The following ARHGEF4 variants were observed in gnomAD, a reference collection of about 807,000 sequenced individuals.
The protein encoded by ARHGEF4 is Rho guanine nucleotide exchange factor 4, also known as APC-stimulated guanine nucleotide exchange factor 1.
Under a neutral mutation model 162.0 loss-of-function variants are expected in ARHGEF4, and 119 were observed. That is an observed-to-expected ratio of 0.73 (90% confidence interval 0.63 to 0.86). The LOEUF (loss-of-function observed/expected upper bound fraction) is 0.86, where lower values mean the gene tolerates loss of function less well. Ranked by LOEUF, ARHGEF4 falls within the 40% of genes least tolerant of loss-of-function variation. The pLI is 0.00. For missense variants in ARHGEF4, 2,488 were observed against 2,456.0 expected (o/e 1.01, Z -0.28); for synonymous variants, 1,014 against 979.9 (o/e 1.03, Z -0.65).
chr2:130,915,395 T>C lies in ARHGEF4; in HGVS notation c.1449T>C (p.Ala483=). The C allele has an allele frequency of 1.3e-6, 2 of 1,550,472 alleles. No individual in the cohort carries two copies. Among genetic ancestry groups the C allele is most frequent in the African/African-American group, 1.4e-5 (1 of 73,106 alleles). The change falls in exon 2 of 14, where the codon GCT becomes GCC. Residue 483 remains alanine (A), a synonymous_variant. Transcript: ENST00000409359. ...GCACCCAACTCGCACCAAGAGCTGC[T>C]GATGAGAGAGAGACACAGAAGCACC... ...PQGTQLAPRA[A]DERETQKHLW... is the part of the protein sequence containing the mutation.
intron 4 of ARHGEF4, among the ~76,000 whole-genome samples, chr2:130,998,208 G>A (rs969638385): frequency 1.1e-4 from 16 of 152,056 alleles, no homozygotes; most frequent in African/African-American, 3.9e-4. Flanking sequence ...GTAAAATTGT[G>A]CTATCATTGT....
intron 4 of ARHGEF4, among the ~76,000 whole-genome samples, chr2:130,995,063 G>A (rs747385381): frequency 1.3e-5 from 2 of 152,172 alleles, no homozygotes; most frequent in Non-Finnish European, 2.9e-5. Flanking sequence ...TGGATTCATG[G>A]CTTGATGTCT....
intron 3 of ARHGEF4, among the ~76,000 whole-genome samples, chr2:130,945,449 A>G (rs894122618): frequency 6.6e-6 from 1 of 152,112 alleles, no homozygotes; most frequent in African/African-American, 2.4e-5. Flanking sequence ...CACCACTGCC[A>G]TTACCATAAT....
chr2:130,905,715 C>T (rs1680773548), intron 1 of ARHGEF4, among the ~76,000 whole-genome samples: 1 of 152,154 alleles, frequency 6.6e-6, no homozygotes, highest in Admixed American at 6.5e-5. Flanking sequence ...ACCACAGTCA[C>T]ATAATTGTTA....
intron 1 of ARHGEF4, among the ~76,000 whole-genome samples, chr2:130,881,189 G>C (rs1679166837): frequency 6.6e-6 from 1 of 151,942 alleles, no homozygotes; most frequent in African/African-American, 2.4e-5. Flanking sequence ...CACCATGCCT[G>C]GCTAATTTTT....
intron 1 of ARHGEF4, among the ~76,000 whole-genome samples, chr2:130,905,325 C>G (rs1183537433): frequency 2.0e-5 from 3 of 151,526 alleles, no homozygotes; most frequent in African/African-American, 4.9e-5. Flanking sequence ...TTTTTTCTTG[C>G]AAAGAACACT....
intron 1 of ARHGEF4, among the ~76,000 whole-genome samples, chr2:130,901,200 C>G (rs1390283708): frequency 6.6e-6 from 1 of 152,136 alleles, no homozygotes; most frequent in Non-Finnish European, 1.5e-5. Context: ...GATTGGGAGA[C>G]CCTAGCTGCA....
chr2:131,028,209 T>C, intron 5 of ARHGEF4, 125 bp downstream of exon 5: 2 of 1,353,146 alleles, frequency 1.5e-6, no homozygotes, highest in Non-Finnish European at 2.0e-6. Flanking sequence ...GTGCTGGCCA[T>C]ACACAGCGCA....
chr2:131,002,691 C>CA (rs1304891783), intron 4 of ARHGEF4, among the ~76,000 whole-genome samples: 2 of 109,422 alleles, frequency 1.8e-5, no homozygotes, highest in Non-Finnish European at 3.3e-5. Flanking sequence ...GCCTGGGCGA[C>CA]AGAGCGAGAC....
chr2:130,915,343 C>T lies in ARHGEF4; in HGVS notation c.1397C>T (p.Pro466Leu), dbSNP rs746276259. The change falls in exon 2 of 14, where the codon CCA (proline) becomes CTA (leucine). Residue 466 changes from proline (P) to leucine (L), a missense_variant. By Grantham distance (98) the Pro-to-Leu change is moderately conservative. Transcript: ENST00000409359. ...GCTGAGTGCAAGTCAGAGCAAAGCCCAGAAAGCAGAACCCAGGAACCCCAA... is the reference window on the plus strand; with the variant it reads ...GCTGAGTGCAAGTCAGAGCAAAGCCTAGAAAGCAGAACCCAGGAACCCCAA... The part of the protein sequence containing the change: ...EPAECKSEQS[P>L]ESRTQEPQGT... The T allele has an allele frequency of 3.5e-5, 55 of 1,550,680 alleles. No homozygotes were observed. The highest frequency in any genetic ancestry group is 4.5e-5 in the Non-Finnish European group (52 of 1,147,032).
chr2:130,931,350 T>C (rs373200734), intron 3 of ARHGEF4, 93 bp downstream of exon 3: 2 of 1,351,896 alleles, frequency 1.5e-6, no homozygotes, highest in South Asian at 3.0e-5. Flanking sequence ...TGCCTGACTC[T>C]CCTGAGATGT....
intron 8 of ARHGEF4, among the ~76,000 whole-genome samples, chr2:131,040,729 G>T (rs1431412608): frequency 1.3e-5 from 2 of 152,226 alleles, no homozygotes; most frequent in Non-Finnish European, 2.9e-5. Flanking sequence ...GCCGAGCGCC[G>T]CAGGGGCTGT....
intron 1 of ARHGEF4, among the ~76,000 whole-genome samples, chr2:130,844,886 G>A (rs575384508): frequency 2.0e-5 from 3 of 151,858 alleles, no homozygotes; most frequent in East Asian, 2.0e-4. Context: ...GTGTAATGGC[G>A]CGATCTCATC....
At chr2:131,041,646 C>G in intron 9 of ARHGEF4, 169 bp from the exon 10 acceptor site, 1 of 1,155,700 alleles carries the variant, frequency 8.7e-7, no homozygotes, top group Non-Finnish European at 1.2e-6. Context: ...AAGCTCTGCT[C>G]TGTGCTTGCC....
chr2:130,841,868 C>T (rs1458590091), intron 1 of ARHGEF4, among the ~76,000 whole-genome samples: 1 of 152,190 alleles, frequency 6.6e-6, no homozygotes, highest in African/African-American at 2.4e-5. Context: ...AAGCTGAGGT[C>T]AGGGAACCAA....
intron 4 of ARHGEF4, among the ~76,000 whole-genome samples, chr2:131,004,861 G>A (rs192966693): frequency 2.3e-4 from 35 of 152,338 alleles, no homozygotes; most frequent in African/African-American, 7.0e-4. Context: ...AGGTGGCTTT[G>A]TGGCTGCCCC....
intron 4 of ARHGEF4, among the ~76,000 whole-genome samples, chr2:130,993,539 ATCTT>A (rs1404066993): frequency 6.6e-6 from 1 of 152,118 alleles, no homozygotes; most frequent in Non-Finnish European, 1.5e-5. Context: ...GTATGCCTAA[ATCTT>A]TCAGTAGGAT....
In ARHGEF4 at chr2:130,946,644, C is replaced by T. The variant is rs756890797; in HGVS notation, c.3985+9C>T. The stretch of plus-strand genomic sequence containing the variant: ...GCACACACCAGGCACTGGTGAGTTA[C>T]GCGCCTCTCTCTTTTGCTATGTACT... On this transcript the variant is annotated intron_variant, in intron 4 of 13. Transcript: ENST00000409359. 57 of 1,613,562 alleles carry T rather than the reference C, an allele frequency of 3.5e-5. No individual in the cohort carries two copies. Among genetic ancestry groups the T allele is most frequent in the African/African-American group, 1.3e-4 (10 of 74,910 alleles).
At chr2:130,899,294 T>C (rs1003892164) in intron 1 of ARHGEF4, among the ~76,000 whole-genome samples, 2 of 152,194 alleles carry the variant, frequency 1.3e-5, no homozygotes, top group Admixed American at 1.3e-4. Context: ...GCCCGTGCCT[T>C]CAAGGATCAT....
Sources: allele counts gnomAD v4.1 joint callset (sites outside exome capture counted in the v4.1 genomes callset), GRCh38; gene constraint gnomAD v4.1.1; transcripts MANE v1.5; gene names NCBI Gene and HGNC (gene_info 2026-07-23, HGNC 2026-07-21).